The following CNTN5 variants were observed in gnomAD, a reference collection of about 807,000 sequenced individuals.
CNTN5 encodes the protein contactin 5.
Under a neutral mutation model 129.1 loss-of-function variants are expected in CNTN5, and 77 were observed. The observed-to-expected ratio is 0.60, with a 90% CI of 0.50 to 0.72. CNTN5 has a LOEUF of 0.72. CNTN5 is among the 30% of genes least tolerant of loss of function. CNTN5 has a pLI of 0.00. For synonymous variants in CNTN5, 509 were observed against 465.6 expected, an observed-to-expected ratio of 1.09 and a Z score of -1.20; for missense variants, 1,478 against 1,328.8, an observed-to-expected ratio of 1.11 and a Z score of -1.75.
chr11:99,849,354 A>G (rs1947802195), intron 6 of CNTN5, among the ~76,000 whole-genome samples: 1 of 151,798 alleles, frequency 6.6e-6, no homozygotes, highest in Non-Finnish European at 1.5e-5. Flanking sequence ...ATATATATAT[A>G]TATGCATAAT....
At chr11:100,311,365 G>C (rs915477353) in intron 21 of CNTN5, among the ~76,000 whole-genome samples, 1 of 151,314 alleles carries the variant, frequency 6.6e-6, no homozygotes, top group Non-Finnish European at 1.5e-5. Flanking sequence ...GGGTTTTAGA[G>C]TGAAAATCAA....
chr11:99,836,535 T>G (rs1430958627), intron 4 of CNTN5, among the ~76,000 whole-genome samples: 2 of 152,112 alleles, frequency 1.3e-5, no homozygotes, highest in Non-Finnish European at 2.9e-5. Flanking sequence ...CTTAATCCAG[T>G]CTATCATTGA....
At chr11:99,520,722 C>T (rs2135437670) in intron 2 of CNTN5, among the ~76,000 whole-genome samples, 1 of 152,072 alleles carries the variant, frequency 6.6e-6, no homozygotes, top group South Asian at 2.1e-4. Context: ...TTCTTTCCTT[C>T]TCATACGTAT....
intron 2 of CNTN5, among the ~76,000 whole-genome samples, chr11:99,554,916 CAT>C (rs1484780033): frequency 6.6e-6 from 1 of 151,896 alleles, no homozygotes; most frequent in Non-Finnish European, 1.5e-5. Flanking sequence ...GATATTTACT[CAT>C]AAAATACAGA....
intron 9 of CNTN5, among the ~76,000 whole-genome samples, chr11:100,060,158 A>G (rs891365587): frequency 6.6e-6 from 1 of 151,608 alleles, no homozygotes; most frequent in African/African-American, 2.4e-5. Flanking sequence ...GTGAGCTGAG[A>G]TCGTGCCACT....
intron 2 of CNTN5, among the ~76,000 whole-genome samples, chr11:99,511,442 T>C (rs1946832220): frequency 6.6e-6 from 1 of 151,976 alleles, no homozygotes. Flanking sequence ...TTACATTTGC[T>C]GAGGAGAGCT....
chr11:99,378,311 G>T (rs1201298852), intron 2 of CNTN5, among the ~76,000 whole-genome samples: 1 of 152,078 alleles, frequency 6.6e-6, no homozygotes, highest in Admixed American at 6.6e-5. Context: ...ACATTCATTT[G>T]CTAGTCATCC....
intron 1 of CNTN5, among the ~76,000 whole-genome samples, chr11:99,280,214 A>T (rs1216097726): frequency 2.0e-5 from 3 of 151,712 alleles, no homozygotes; most frequent in Non-Finnish European, 4.4e-5. Flanking sequence ...CATGGGGCTT[A>T]AATTGGGATG....
intron 2 of CNTN5, among the ~76,000 whole-genome samples, chr11:99,553,960 A>G (rs1028821860): frequency 7.2e-6 from 1 of 138,994 alleles, no homozygotes; most frequent in Non-Finnish European, 1.6e-5. Flanking sequence ...GTGCTTGAAA[A>G]TGAATACACA....
intron 1 of CNTN5, among the ~76,000 whole-genome samples, chr11:99,252,801 C>T (rs1862179361): frequency 6.6e-6 from 1 of 152,000 alleles, no homozygotes; most frequent in African/African-American, 2.4e-5. Context: ...AGTCTATGCT[C>T]TAATTCATTG....
chr11:99,329,975 C>G (rs1865935939), intron 2 of CNTN5, among the ~76,000 whole-genome samples: 1 of 146,614 alleles, frequency 6.8e-6, no homozygotes, highest in Non-Finnish European at 1.5e-5. Flanking sequence ...ATATTTAAAG[C>G]TTGGTATCTG....
intron 2 of CNTN5, among the ~76,000 whole-genome samples, chr11:99,480,441 C>T (rs1013302216): frequency 2.6e-5 from 4 of 152,028 alleles, no homozygotes; most frequent in Admixed American, 6.6e-5. Context: ...AAAACTGGGA[C>T]ATCAGAATTA....
chr11:99,285,435 GA>G (rs1324441756), intron 1 of CNTN5, among the ~76,000 whole-genome samples: 1 of 152,058 alleles, frequency 6.6e-6, no homozygotes, highest in East Asian at 1.9e-4. Flanking sequence ...CATGAGGAGG[GA>G]ACATTGATTC....
intron 1 of CNTN5, among the ~76,000 whole-genome samples, chr11:99,322,997 C>T (rs757284846): frequency 1.2e-4 from 18 of 151,862 alleles, no homozygotes; most frequent in Non-Finnish European, 2.2e-4. Flanking sequence ...AAGTCGCCTA[C>T]GATTATTTAT....
chr11:99,388,524 T>G (rs372478701), intron 2 of CNTN5, among the ~76,000 whole-genome samples: 50 of 152,174 alleles, frequency 3.3e-4, no homozygotes, highest in African/African-American at 1.2e-3. Context: ...TATCTTTGGT[T>G]TCTAGAATGA....
intron 13 of CNTN5, among the ~76,000 whole-genome samples, chr11:100,183,537 C>A (rs1468963357): frequency 6.6e-6 from 1 of 151,852 alleles, no homozygotes; most frequent in Non-Finnish European, 1.5e-5. Context: ...ATAGAAAATT[C>A]TAGAAAAATG....
At chr11:99,730,616 ATAT>A (rs1943498549) in intron 3 of CNTN5, among the ~76,000 whole-genome samples, 1 of 152,172 alleles carries the variant, frequency 6.6e-6, no homozygotes, top group Non-Finnish European at 1.5e-5. Flanking sequence ...ATAAATGGTT[ATAT>A]TATTGTTTAA....
chr11:99,722,656 T>G (rs1943211385), intron 3 of CNTN5, among the ~76,000 whole-genome samples: 1 of 152,016 alleles, frequency 6.6e-6, no homozygotes, highest in Non-Finnish European at 1.5e-5. Flanking sequence ...TTTAAGGAAG[T>G]TCTAGTCAAC....
intron 23 of CNTN5, among the ~76,000 whole-genome samples, chr11:100,342,697 A>T (rs565126024): frequency 2.6e-5 from 4 of 152,250 alleles, no homozygotes; most frequent in African/African-American, 9.6e-5. Flanking sequence ...ACTTTATCTT[A>T]CTTATTTCTT....
Sources: gnomAD v4.1 joint callset for allele counts (sites outside exome capture counted in the v4.1 genomes callset) on GRCh38, gnomAD v4.1.1 for gene constraint, MANE v1.5 for transcripts, NCBI Gene and HGNC (gene_info 2026-07-23, HGNC 2026-07-21) for gene names.